Variants in PKIG observed in about 807,000 individuals in gnomAD.
PKIG encodes the protein cAMP-dependent protein kinase inhibitor gamma, also known as protein kinase (cAMP-dependent, catalytic) inhibitor gamma.
PKIG carries 1 observed loss-of-function variant against 6.8 expected under a neutral mutation model. The ratio of observed to expected loss-of-function variants is 0.15; its 90% CI spans 0.05 to 0.69. PKIG has a LOEUF of 0.69. Ranked by LOEUF, PKIG falls within the 30% of genes least tolerant of loss-of-function variation. The pLI is 0.82. For missense variants in PKIG, 77 were observed against 104.0 expected (o/e 0.74, Z 1.13); for synonymous variants, 39 against 43.0 (o/e 0.91, Z 0.36).
chr20:44,570,813 G>A (rs1415992240), intron 1 of PKIG, among the ~76,000 whole-genome samples: 1 of 152,170 alleles, frequency 6.6e-6, no homozygotes, highest in Non-Finnish European at 1.5e-5. Context: ...AGGTAGATGG[G>A]TGGTTATTTT....
intron 1 of PKIG, among the ~76,000 whole-genome samples, chr20:44,565,691 A>G (rs1376679994): frequency 1.3e-5 from 2 of 152,216 alleles, no homozygotes; most frequent in African/African-American, 4.8e-5. Flanking sequence ...TCATTGGTCT[A>G]TAGCAACTAC....
At chr20:44,575,034 C>G (rs1433391236) in intron 1 of PKIG, among the ~76,000 whole-genome samples, 2 of 152,050 alleles carry the variant, frequency 1.3e-5, no homozygotes, top group Admixed American at 6.6e-5. Context: ...CATTACCATA[C>G]TGCTTTTTCT....
chr20:44,546,473 G>A (rs2064614827), intron 1 of PKIG, among the ~76,000 whole-genome samples: 1 of 151,876 alleles, frequency 6.6e-6, no homozygotes, highest in African/African-American at 2.4e-5. Flanking sequence ...ATATCACCAG[G>A]CCTTATTGTT....
chr20:44,564,125 C>A (rs190259398), intron 1 of PKIG: 2 of 152,186 alleles, frequency 1.3e-5, no homozygotes, highest in East Asian at 3.9e-4. Flanking sequence ...ATTTGTGGAT[C>A]CTCCAGGAGC....
At chr20:44,593,160 GAAAAA>G (rs3091908) in intron 2 of PKIG, among the ~76,000 whole-genome samples, 1 of 143,936 alleles carries the variant, frequency 6.9e-6, no homozygotes, top group African/African-American at 2.5e-5. Context: ...TTCTATAAAA[GAAAAA>G]AAAAAAATCC....
chr20:44,599,990 C>T (rs2065107566), intron 2 of PKIG, among the ~76,000 whole-genome samples: 1 of 152,152 alleles, frequency 6.6e-6, no homozygotes, highest in African/African-American at 2.4e-5. Flanking sequence ...ACTCAGGAGG[C>T]TTTGTGCCCT....
intron 1 of PKIG, among the ~76,000 whole-genome samples, chr20:44,552,616 A>G (rs374349885): frequency 6.6e-6 from 1 of 152,198 alleles, no homozygotes; most frequent in Non-Finnish European, 1.5e-5. Flanking sequence ...ATGCAACTGT[A>G]TATAAATCTA....
rs1212803617 is a variant in PKIG, at chr20:44,597,227, G to T, written c.-24+7361G>T. Among the ~76,000 whole-genome samples, 3 of 120,992 alleles carry T rather than the reference G, an allele frequency of 2.5e-5. No homozygotes were observed. In the South Asian group the frequency reaches 8.0e-4, roughly 32 times the overall value. The allele number at this position is 120,992 out of a possible 152,430, so 79.4% of individuals were successfully genotyped here. ...ATTCCCCACCAGGTCCCCCCACCCG[G>T]CATTATTAGAATAATAATAATCCCC... On this transcript the variant is annotated intron_variant, in intron 2 of 3. Transcript: ENST00000372886.
At chr20:44,592,287 G>A (rs767188000) in intron 2 of PKIG, among the ~76,000 whole-genome samples, 2 of 152,162 alleles carry the variant, frequency 1.3e-5, no homozygotes, top group Non-Finnish European at 2.9e-5. Flanking sequence ...TCTGTGGGTA[G>A]CATCTGCCAT....
chr20:44,536,123 G>T, intron 1 of PKIG, among the ~76,000 whole-genome samples: 1 of 152,348 alleles, frequency 6.6e-6, no homozygotes, highest in Admixed American at 6.5e-5. Flanking sequence ...CATCCTTGTT[G>T]TGTAGCATGT....
At chr20:44,562,601 C>CAAAA (rs1191493549) in intron 1 of PKIG, among the ~76,000 whole-genome samples, 13 of 57,822 alleles carry the variant, frequency 2.2e-4, no homozygotes, top group South Asian at 6.4e-4. Flanking sequence ...GACCCTGTCT[C>CAAAA]AAAAAAAAAA....
chr20:44,605,528 T>C (rs1244122858), intron 2 of PKIG, among the ~76,000 whole-genome samples: 2 of 151,622 alleles, frequency 1.3e-5, no homozygotes, highest in Non-Finnish European at 2.9e-5. Flanking sequence ...TGATTTGAGA[T>C]AGGTAGAAAA....
chr20:44,606,956 A>G (rs1245127623), intron 2 of PKIG, among the ~76,000 whole-genome samples: 2 of 152,368 alleles, frequency 1.3e-5, no homozygotes, highest in East Asian at 1.9e-4. Flanking sequence ...TGGACTTCCC[A>G]GCCTCCAGAA....
At chr20:44,569,641 T>C (rs977405309) in intron 1 of PKIG, among the ~76,000 whole-genome samples, 2 of 152,194 alleles carry the variant, frequency 1.3e-5, no homozygotes, top group Non-Finnish European at 2.9e-5. Flanking sequence ...AGTTTTACTC[T>C]TGTTGCCCAG....
At chr20:44,544,386 T>C (rs74819603) in intron 1 of PKIG, among the ~76,000 whole-genome samples, 2,882 of 152,260 alleles carry the variant, frequency 0.019, 90 homozygotes, top group African/African-American at 0.066. Context: ...CTGATAACAG[T>C]GCTTTAAAGA....
At chr20:44,544,827 A>G (rs1252543079) in intron 1 of PKIG, among the ~76,000 whole-genome samples, 2 of 151,944 alleles carry the variant, frequency 1.3e-5, no homozygotes, top group Non-Finnish European at 1.5e-5. Flanking sequence ...GCGGCCAACA[A>G]TGTCAGCTAT....
At chr20:44,610,485 T>TTCTC (rs1555841159) in intron 2 of PKIG, among the ~76,000 whole-genome samples, 83 of 129,360 alleles carry the variant, frequency 6.4e-4, no homozygotes, top group African/African-American at 2.5e-3. Context: ...TCTCTCTCTC[T>TTCTC]TCTCTCTCTC....
chr20:44,609,046 T>A lies in PKIG; in HGVS notation c.-23-5488T>A, dbSNP rs569945248. The stretch of plus-strand genomic sequence containing the variant: ...AGGATTTCCAACTCTGAGGATTCTT[T>A]ATTTCCCCATTTGCTGTTGACTCTA... On this transcript the variant is annotated intron_variant, in intron 2 of 3. Transcript: ENST00000372886. Among the ~76,000 whole-genome samples, 14 of 152,332 alleles carry A rather than the reference T, an allele frequency of 9.2e-5. No individual in the cohort carries two copies. In the South Asian group the frequency reaches 2.9e-3, roughly 32 times the overall value.
At chr20:44,603,423 T>C (rs923404625) in intron 2 of PKIG, among the ~76,000 whole-genome samples, 2 of 151,972 alleles carry the variant, frequency 1.3e-5, no homozygotes, top group African/African-American at 4.8e-5. Context: ...TTTGCTGAGG[T>C]GAGGGGAGTT....
Sources: gnomAD v4.1 joint callset for allele counts (sites outside exome capture counted in the v4.1 genomes callset) on GRCh38, gnomAD v4.1.1 for gene constraint, MANE v1.5 for transcripts, NCBI Gene and HGNC (gene_info 2026-07-23, HGNC 2026-07-21) for gene names.